Variants in EPS8 observed in about 807,000 individuals in gnomAD.
EPS8 encodes epidermal growth factor receptor kinase substrate 8.
A neutral mutation model predicts 103.8 loss-of-function variants in EPS8; 42 were observed. That is an observed-to-expected ratio of 0.40 (90% CI 0.32 to 0.52). The LOEUF (loss-of-function observed/expected upper bound fraction) is 0.52, where lower values mean the gene tolerates loss of function less well. Among genes scored for constraint, EPS8 ranks in the 20% least tolerant of loss-of-function variants. The pLI, the probability that EPS8 is intolerant of heterozygous loss-of-function variation, is 0.40. For missense variants in EPS8, 969 were observed against 1,005.1 expected (o/e 0.96, Z 0.49); for synonymous variants, 344 against 344.6 (o/e 1.00, Z 0.02).
At chr12:15,729,157 C>G (rs972340625) in intron 1 of EPS8, among the ~76,000 whole-genome samples, 61 of 152,140 alleles carry the variant, frequency 4.0e-4, no homozygotes, top group African/African-American at 1.3e-3. Context: ...AAGTCACCCC[C>G]CGACCTGTCA....
At chr12:15,750,702 G>A (rs187672563) in intron 1 of EPS8, among the ~76,000 whole-genome samples, 1 of 152,250 alleles carries the variant, frequency 6.6e-6, no homozygotes, top group African/African-American at 2.4e-5. Context: ...ACTTTGCTGA[G>A]TACTTGAAAC....
At chr12:15,647,786 G>A (rs574234889) in intron 14 of EPS8, among the ~76,000 whole-genome samples, 2 of 152,280 alleles carry the variant, frequency 1.3e-5, no homozygotes, top group South Asian at 4.1e-4. Flanking sequence ...GCTACCAAGA[G>A]TGACAGTTGA....
intron 1 of EPS8, among the ~76,000 whole-genome samples, chr12:15,710,472 C>A (rs563893219): frequency 6.6e-6 from 1 of 152,296 alleles, no homozygotes; most frequent in South Asian, 2.1e-4. Flanking sequence ...CAGCTCAGAT[C>A]TTACATTACC....
At chr12:15,718,403 C>G (rs1017086559) in intron 1 of EPS8, among the ~76,000 whole-genome samples, 1 of 152,144 alleles carries the variant, frequency 6.6e-6, no homozygotes, top group Non-Finnish European at 1.5e-5. Context: ...ACTATGAGGA[C>G]ATCTGCAAAT....
chr12:15,637,600 G>C (rs1945158519), intron 17 of EPS8, among the ~76,000 whole-genome samples: 1 of 152,204 alleles, frequency 6.6e-6, no homozygotes, highest in African/African-American at 2.4e-5. Flanking sequence ...AGGAGTATCT[G>C]TGAATGTTGT....
chr12:15,771,227 C>A lies in EPS8; in HGVS notation c.-22+17934G>T, dbSNP rs990432352. Among the ~76,000 whole-genome samples, 4 of 152,120 alleles carry A rather than the reference C, an allele frequency of 2.6e-5. No homozygotes were observed. The highest frequency in any genetic ancestry group is 9.7e-5 in the African/African-American group (4 of 41,432). On this transcript the variant is annotated intron_variant, in intron 1 of 20. Transcript: ENST00000281172. This position sits in a 1 kb window ranked among gnomAD's most constrained non-coding sequence, Gnocchi z 4.6. ...TATAGACAAGAGGGACACTGAAGCA[C>A]AGACTGGGAAAACTGAAGTATACAG...
intron 17 of EPS8, among the ~76,000 whole-genome samples, chr12:15,632,980 GA>G (rs1280919270): frequency 6.6e-6 from 1 of 152,054 alleles, no homozygotes; most frequent in Non-Finnish European, 1.5e-5. Context: ...TATCTGAAAG[GA>G]GTGTTTATAA....
At chr12:15,739,925 G>A (rs2136004433) in intron 1 of EPS8, among the ~76,000 whole-genome samples, 1 of 152,162 alleles carries the variant, frequency 6.6e-6, no homozygotes. Flanking sequence ...TTTTTAATGA[G>A]CTTTTAAAAA....
At chr12:15,718,172 T>A (rs1946553619) in intron 1 of EPS8, among the ~76,000 whole-genome samples, 1 of 152,208 alleles carries the variant, frequency 6.6e-6, no homozygotes, top group South Asian at 2.1e-4. Flanking sequence ...CTTCCTCACC[T>A]GTAAAATGAG....
chr12:15,646,863 T>C (rs1945327644), intron 15 of EPS8, among the ~76,000 whole-genome samples: 1 of 152,222 alleles, frequency 6.6e-6, no homozygotes, highest in African/African-American at 2.4e-5. Flanking sequence ...TTCTTCTTAA[T>C]GTACACATTT....
chr12:15,622,825 C>A (rs55980185), intron 20 of EPS8, among the ~76,000 whole-genome samples: 1 of 151,830 alleles, frequency 6.6e-6, no homozygotes, highest in African/African-American at 2.4e-5. Flanking sequence ...GGATTCTGGC[C>A]TCTTAAGGCT....
At chr12:15,715,619 C>T (rs1173848157) in intron 1 of EPS8, among the ~76,000 whole-genome samples, 4 of 151,850 alleles carry the variant, frequency 2.6e-5, no homozygotes, top group Admixed American at 6.6e-5. Context: ...ATCTTGACCT[C>T]AGGTGATCTG....
At chr12:15,691,366 T>C (rs1279177595) in intron 1 of EPS8, among the ~76,000 whole-genome samples, 1 of 151,742 alleles carries the variant, frequency 6.6e-6, no homozygotes, top group African/African-American at 2.4e-5. Context: ...CATAGTAAGG[T>C]CCCATTTCTA....
chr12:15,648,824 GAAGT>G (rs1945363999), intron 14 of EPS8, among the ~76,000 whole-genome samples: 1 of 152,202 alleles, frequency 6.6e-6, no homozygotes, highest in Non-Finnish European at 1.5e-5. Context: ...GGGTTCAGAG[GAAGT>G]AAGGAAGCTG....
In EPS8 at chr12:15,748,937, T is replaced by C. The variant is rs144011485; in HGVS notation, c.-22+40224A>G. 0.015 allele frequency among the ~76,000 whole-genome samples: 2,300 copies of C among 152,260 alleles called. 76 individuals are homozygous for C. The highest frequency in any genetic ancestry group is 0.053 in the African/African-American group (2,183 of 41,518). On this transcript the variant is annotated intron_variant, in intron 1 of 20. Coordinates refer to ENST00000281172, the MANE Select transcript of EPS8 (RefSeq NM_004447.6). This position sits in a 1 kb window ranked among gnomAD's most constrained non-coding sequence, Gnocchi z 4.8. ...ATAGTCTTCTCTTCCTTTCATACCA[T>C]AGAACATCAGCACTTTATGTACTTG...
At chr12:15,660,564 A>C (rs138281473) in intron 10 of EPS8, 50 bp downstream of exon 10, 594 of 916,340 alleles carry the variant, frequency 6.5e-4, no homozygotes, top group Non-Finnish European at 9.6e-4. Context: ...GCGCCCAGCC[A>C]GTACTGGAGA....
At chr12:15,626,324 A>G (rs923483859) in intron 18 of EPS8, among the ~76,000 whole-genome samples, 1 of 152,124 alleles carries the variant, frequency 6.6e-6, no homozygotes, top group African/African-American at 2.4e-5. Flanking sequence ...TCAGTATAAC[A>G]ACTAAGTGAT....
chr12:15,643,822 G>A (rs186576011), intron 15 of EPS8, among the ~76,000 whole-genome samples: 44 of 150,586 alleles, frequency 2.9e-4, no homozygotes, highest in African/African-American at 1.0e-3. Context: ...CTCAGTTTCT[G>A]ATTAGGAATA....
chr12:15,746,975 A>G (rs1180432071), intron 1 of EPS8, among the ~76,000 whole-genome samples: 1 of 152,198 alleles, frequency 6.6e-6, no homozygotes, highest in East Asian at 1.9e-4. Context: ...ATTCTAAAAC[A>G]GAGGGGTTAA....
Sources: allele counts gnomAD v4.1 joint callset (sites outside exome capture counted in the v4.1 genomes callset), GRCh38; gene constraint gnomAD v4.1.1; non-coding constraint Gnocchi (gnomAD v3.1); transcripts MANE v1.5; gene names NCBI Gene and HGNC (gene_info 2026-07-23, HGNC 2026-07-21).